LPIN1: variants seen among roughly 807,000 people sequenced by gnomAD.
LPIN1 encodes phosphatidate phosphatase LPIN1.
Under a neutral mutation model 107.5 loss-of-function variants are expected in LPIN1, and 71 were observed. The observed-to-expected ratio is 0.66, with a 90% CI of 0.55 to 0.80. The LOEUF is 0.80. Ranked by LOEUF, LPIN1 falls within the 30% of genes least tolerant of loss-of-function variation. The pLI is 0.00. For synonymous variants in LPIN1, 445 were observed against 452.6 expected, an observed-to-expected ratio of 0.98 and a Z score of 0.21; for missense variants, 1,043 against 1,160.6, an observed-to-expected ratio of 0.90 and a Z score of 1.47.
chr2:11,785,100 C>T, intron 10 of LPIN1, 24 bp downstream of exon 10: 2 of 1,520,882 alleles, frequency 1.3e-6, no homozygotes, highest in African/African-American at 1.4e-5. Context: ...CGCGCGGGCG[C>T]CCTCTGGTGG....
At chr2:11,691,034 G>A (rs1188539596) in intron 1 of LPIN1, among the ~76,000 whole-genome samples, 1 of 150,320 alleles carries the variant, frequency 6.7e-6, no homozygotes, top group Non-Finnish European at 1.5e-5. Context: ...CTTAGCATTA[G>A]ACATTTTGCT....
chr2:11,708,682 G>A (rs1355769880), intron 1 of LPIN1, among the ~76,000 whole-genome samples: 1 of 152,124 alleles, frequency 6.6e-6, no homozygotes, highest in Non-Finnish European at 1.5e-5. Context: ...CCCTTGCTTT[G>A]GTATAATCCA....
chr2:11,727,025 C>A (rs1664733391), intron 1 of LPIN1, among the ~76,000 whole-genome samples: 1 of 152,216 alleles, frequency 6.6e-6, no homozygotes, highest in African/African-American at 2.4e-5. Context: ...AGTTGTCAAC[C>A]CTGAACACTT....
chr2:11,760,853 A>G (rs540259881), intron 1 of LPIN1, among the ~76,000 whole-genome samples: 1 of 152,326 alleles, frequency 6.6e-6, no homozygotes, highest in Middle Eastern at 3.4e-3. Context: ...TGGTCTCATC[A>G]TTCGGTGACA....
In LPIN1 at chr2:11,813,871, G is replaced by A. The variant is rs904469761; in HGVS notation, c.2250-1217G>A. 3.9e-4 allele frequency among the ~76,000 whole-genome samples: 59 copies of A among 152,124 alleles called. 1 individual carries two copies. Among genetic ancestry groups the A allele is most frequent in the African/African-American group, 1.2e-3 (50 of 41,500 alleles). The stretch of plus-strand genomic sequence containing the variant: ...AGAGGTTGCAGTGCGCCAAGATCAC[G>A]CCACTGCGCTCCATCCTGGGGGACA... On this transcript the variant is annotated intron_variant, in intron 17 of 20. Transcript: ENST00000674199.
At chr2:11,706,421 G>A (rs530154840) in intron 1 of LPIN1, among the ~76,000 whole-genome samples, 1 of 152,304 alleles carries the variant, frequency 6.6e-6, no homozygotes, top group Admixed American at 6.5e-5. Flanking sequence ...TTGGAATTAA[G>A]GTTACTCATC....
intron 2 of LPIN1, chr2:11,741,577 C>A (rs995012345): frequency 2.5e-5 from 15 of 609,024 alleles, no homozygotes; most frequent in Non-Finnish European, 4.3e-5. Flanking sequence ...CCAGCCTGGG[C>A]AACATGGCGA....
At chr2:11,711,047 T>C (rs1337231197) in intron 1 of LPIN1, among the ~76,000 whole-genome samples, 2 of 152,256 alleles carry the variant, frequency 1.3e-5, no homozygotes, top group East Asian at 3.8e-4. Flanking sequence ...GTATTTGATT[T>C]AAAACTTCAT....
At chr2:11,719,979 A>G (rs78229220), upstream of LPIN1, among the ~76,000 whole-genome samples, 511 of 151,500 alleles carry the variant, frequency 3.4e-3, 8 homozygotes, top group East Asian at 0.061. Context: ...TATATTTCCA[A>G]TCCTCCCTTT....
At chr2:11,794,758 T>C (rs1676372747) in intron 13 of LPIN1, among the ~76,000 whole-genome samples, 1 of 152,212 alleles carries the variant, frequency 6.6e-6, no homozygotes, top group African/African-American at 2.4e-5. Flanking sequence ...CCTGGCTTTG[T>C]GGTTCAGACA....
At chr2:11,796,253 G>A (rs560902744) in intron 14 of LPIN1, among the ~76,000 whole-genome samples, 1 of 152,150 alleles carries the variant, frequency 6.6e-6, no homozygotes, top group Admixed American at 6.5e-5. Context: ...TATCTTGGAG[G>A]CCACTGCCCC....
At position 11,779,894 on chromosome 2, in the gene LPIN1, T is replaced by G. The variant is rs56346365; in HGVS notation, c.957+249T>G. ...TCTTAGGATTTACTTTTTTTTTTTT[T>G]TCTTGAGACAGAGTCTCACTCTGTC... is the stretch of plus-strand genomic sequence containing the variant. On this transcript the variant is annotated intron_variant, in intron 7 of 20. Coordinates refer to ENST00000674199, the MANE Select transcript of LPIN1 (RefSeq NM_001349206.2). Among the ~76,000 whole-genome samples the G allele has an allele frequency of 0.051, 7,586 of 149,254 alleles. 251 individuals carry two copies. The highest frequency in any genetic ancestry group is 0.11 in the South Asian group (507 of 4,690).
chr2:11,741,376 T>C, exon 2 of LPIN1: 1 of 1,550,034 alleles, frequency 6.5e-7, no homozygotes, highest in Non-Finnish European at 8.7e-7. Context: ...GCTGCCAGAA[T>C]TCAAGGCCAC....
upstream of LPIN1, chr2:11,746,618 C>A: frequency 1.0e-6 from 1 of 985,354 alleles, no homozygotes; most frequent in Non-Finnish European, 1.2e-6. Context: ...CGCTGACAGC[C>A]GGCGGCGGGC....
At chr2:11,794,711 C>T (rs1355499618) in intron 13 of LPIN1, among the ~76,000 whole-genome samples, 1 of 152,198 alleles carries the variant, frequency 6.6e-6, no homozygotes, top group Admixed American at 6.5e-5. Flanking sequence ...GTCCTTGGGG[C>T]CAGTGCCCAT....
chr2:11,765,783 C>T lies in LPIN1; in HGVS notation c.192+50C>T. On this transcript the variant is annotated intron_variant, in intron 2 of 20. Coordinates refer to ENST00000674199, the MANE Select transcript of LPIN1 (RefSeq NM_001349206.2). This position sits in a 1 kb window ranked among gnomAD's most constrained non-coding sequence, Gnocchi z 4.4. ...TGGCACCGGCTCTCCTTAGAGAATGCCCTTGTACTCTGGTGATGCCACCTG... is the reference window on the plus strand; with the variant it reads ...TGGCACCGGCTCTCCTTAGAGAATGTCCTTGTACTCTGGTGATGCCACCTG... The T allele has an allele frequency of 6.6e-7, 1 of 1,519,512 alleles. No individual in the cohort carries two copies. Among genetic ancestry groups the T allele is most frequent in the Non-Finnish European group, 9.0e-7 (1 of 1,110,700 alleles). The allele number at this position is 1,519,512 out of a possible 1,614,324, so 94.1% of individuals were successfully genotyped here.
At chr2:11,718,395 T>A (rs35265845) in intron 2 of LPIN1, among the ~76,000 whole-genome samples, 6,342 of 132,232 alleles carry the variant, frequency 0.048, 226 homozygotes, top group Non-Finnish European at 0.067. Flanking sequence ...GCCCAGCTAA[T>A]TTTTTTTGTA....
At position 11,803,751 on chromosome 2, in the gene LPIN1, T is replaced by A. The variant is rs1445437514; in HGVS notation, c.2014-672T>A. 6.6e-6 allele frequency among the ~76,000 whole-genome samples: 1 copy of A among 151,920 alleles called. No homozygotes were observed. Among genetic ancestry groups the A allele is most frequent in the Non-Finnish European group, 1.5e-5 (1 of 67,950 alleles). On this transcript the variant is annotated intron_variant, in intron 15 of 20. Coordinates refer to ENST00000674199, the MANE Select transcript of LPIN1 (RefSeq NM_001349206.2). The surrounding 1 kb of genome is among the most constrained non-coding windows in gnomAD (Gnocchi z 4.2). Reference sequence around the variant, plus strand: ...GACTCACTGCTCCCACTGGCGACACTGGGGACACCTGCAGTCAGGCAGCCT... The same window carrying A: ...GACTCACTGCTCCCACTGGCGACACAGGGGACACCTGCAGTCAGGCAGCCT...
intron 13 of LPIN1, among the ~76,000 whole-genome samples, chr2:11,794,431 C>T (rs993241499): frequency 2.0e-5 from 3 of 152,020 alleles, no homozygotes; most frequent in African/African-American, 7.3e-5. Context: ...GAAGAAATTG[C>T]TAATAGTGAT....
Sources: allele counts gnomAD v4.1 joint callset (sites outside exome capture counted in the v4.1 genomes callset), GRCh38; gene constraint gnomAD v4.1.1; non-coding constraint Gnocchi (gnomAD v3.1); transcripts MANE v1.5; gene names NCBI Gene and HGNC (gene_info 2026-07-23, HGNC 2026-07-21).